The following TTI2 variants were observed in gnomAD, a reference collection of about 807,000 sequenced individuals.
TTI2 encodes TELO2-interacting protein 2.
In TTI2, 26 loss-of-function variants were observed where a neutral mutation model predicts 44.9. That is an observed-to-expected ratio of 0.58 (90% confidence interval 0.42 to 0.80). The LOEUF (loss-of-function observed/expected upper bound fraction) is 0.80, where lower values mean the gene tolerates loss of function less well. TTI2 is among the 30% of genes least tolerant of loss of function. TTI2 has a pLI of 0.00. For missense variants in TTI2, 582 were observed against 611.6 expected (o/e 0.95, Z 0.51); for synonymous variants, 254 against 250.9 (o/e 1.01, Z -0.12).
chr8:33,498,760 T>C lies in TTI2; in HGVS notation c.*413A>G. The C allele has an allele frequency of 5.0e-6, 4 of 800,478 alleles. No homozygotes were observed. The highest frequency in any genetic ancestry group is 3.8e-4 in the Middle Eastern group (1 of 2,644). The allele number at this position is 800,478 out of a possible 1,614,324, so 49.6% of individuals were successfully genotyped here. A position where few individuals can be genotyped will look rare whatever the true frequency, so the allele number is the denominator to read the frequency against. ...ACTGAACACAATATTTGTGTTTTTA[T>C]TATTTATGCCACGTCAGTGGGGCAA... On this transcript the variant is annotated 3_prime_UTR_variant, in exon 8 of 8. Transcript: ENST00000431156.
Position 33,500,051 on chromosome 8 carries a change from T to A in TTI2, c.1422+277A>T, listed in dbSNP as rs972072546. 6 of 278,580 alleles carry A rather than the reference T, an allele frequency of 2.2e-5. No individual in the cohort carries two copies. The East Asian group carries it at 3.7e-4, about 17-fold the overall frequency. 17.3% of individuals were successfully genotyped at this position (278,580 alleles called of 1,614,324 possible). A position where few individuals can be genotyped will look rare whatever the true frequency, so the allele number is the denominator to read the frequency against. On this transcript the variant is annotated intron_variant, in intron 7 of 7. Transcript: ENST00000431156. The stretch of plus-strand genomic sequence containing the variant: ...ACAGAACTTAAATTTTACAAACTTT[T>A]GATCATAATGCTTTTGCCCATACTG...
intron 3 of TTI2, among the ~76,000 whole-genome samples, chr8:33,509,462 AAAAAAAAAAAAAAAG>A (rs929299030): frequency 2.1e-5 from 3 of 143,984 alleles, no homozygotes; most frequent in African/African-American, 7.9e-5. Flanking sequence ...TCTCAAAAAA[AAAAAAAAAAAAAAAG>A]AAAGAAAGAA....
intron 3 of TTI2, among the ~76,000 whole-genome samples, chr8:33,507,668 C>T (rs775040324): frequency 6.6e-6 from 1 of 151,830 alleles, no homozygotes; most frequent in Non-Finnish European, 1.5e-5. Context: ...ATCCCCCCAC[C>T]ACCTACAACC....
chr8:33,500,365 A>C lies in TTI2; in HGVS notation c.1385T>G (p.Leu462Arg). ...TTGAGAACAGCGGTCCAGGAGAATC[A>C]GGCAGTCTGTGGCCTCCTGTAGCAG... ...SALLQEATDCLILLDRCSQGR... is the reference protein window; with the variant it reads ...SALLQEATDCRILLDRCSQGR... Residue 462 changes from leucine to arginine, a missense_variant, in exon 7 of 8, where the codon CTG becomes CGG. Leu to Arg is a moderately radical substitution (Grantham distance 102, BLOSUM62 -2). Transcript: ENST00000431156. 1 of 1,614,154 alleles carries C rather than the reference A, an allele frequency of 6.2e-7. No homozygotes were observed. The highest frequency in any genetic ancestry group is 8.5e-7 in the Non-Finnish European group (1 of 1,180,016).
At chr8:33,504,486 CAA>C (rs1491258973) in intron 4 of TTI2, among the ~76,000 whole-genome samples, 2 of 151,400 alleles carry the variant, frequency 1.3e-5, no homozygotes, top group African/African-American at 2.4e-5. Context: ...TTAGTAGAGA[CAA>C]AGTTTCACCA....
intron 6 of TTI2, chr8:33,500,698 A>G (rs1469534763): frequency 1.8e-6 from 1 of 546,124 alleles, no homozygotes; most frequent in African/African-American, 1.9e-5. Flanking sequence ...GCCTATACAC[A>G]CAGACACACC....
chr8:33,503,164 A>G (rs190325437), intron 6 of TTI2, among the ~76,000 whole-genome samples: 1 of 110,512 alleles, frequency 9.0e-6, no homozygotes, highest in Admixed American at 8.8e-5. Context: ...AAGATATACT[A>G]GAGTTTCAAA....
intron 6 of TTI2, among the ~76,000 whole-genome samples, chr8:33,502,877 C>T (rs1809143181): frequency 1.3e-5 from 2 of 151,506 alleles, no homozygotes; most frequent in Admixed American, 6.6e-5. Flanking sequence ...CGCCTGTAAC[C>T]CCAGCACTTT....
chr8:33,500,526 A>C (rs2128826724), intron 6 of TTI2, 36 bp from the exon 7 acceptor site: 2 of 1,610,858 alleles, frequency 1.2e-6, no homozygotes, highest in African/African-American at 1.3e-5. Flanking sequence ...TCATACTCTA[A>C]ATCTGGATAT....
At chr8:33,504,004 C>G in intron 4 of TTI2, 69 bp from the exon 5 acceptor site, 1 of 1,519,512 alleles carries the variant, frequency 6.6e-7, no homozygotes, top group South Asian at 1.1e-5. Context: ...ACTGACTTCT[C>G]TAGAACTTCA....
At chr8:33,502,461 T>C (rs1055687639) in intron 6 of TTI2, among the ~76,000 whole-genome samples, 12 of 152,116 alleles carry the variant, frequency 7.9e-5, no homozygotes, top group Non-Finnish European at 4.4e-5. Flanking sequence ...CACAGAATTT[T>C]TTTTTTTTTC....
chr8:33,509,824 T>G lies in TTI2; in HGVS notation c.756A>C (p.Ser252=). The G allele has an allele frequency of 6.2e-7, 1 of 1,614,118 alleles. No homozygotes were observed. Among genetic ancestry groups the G allele is most frequent in the Non-Finnish European group, 8.5e-7 (1 of 1,180,014 alleles). ...SQHLERVLPA[S]LVISDDYQTE... The stretch of plus-strand genomic sequence containing the variant: ...TCTGATAGTCATCTGAAATGACCAA[T>G]GATGCGGGAAGTACCCTTTCCAGAT... Residue 252 remains serine, a synonymous_variant, in exon 3 of 8, where the codon TCA becomes TCC. Transcript: ENST00000431156.
chr8:33,503,698 C>T lies in TTI2; in HGVS notation c.1115+50G>A, dbSNP rs775362201. The T allele has an allele frequency of 2.5e-6, 4 of 1,610,570 alleles. No individual in the cohort carries two copies. The South Asian group carries it at 3.3e-5, about 13-fold the overall frequency. On this transcript the variant is annotated intron_variant, in intron 5 of 7. Coordinates refer to ENST00000431156, the MANE Select transcript of TTI2 (RefSeq NM_001102401.4). ...CTCGAGAGCAGCTCAAGCAACATAG[C>T]AAGATCCTGTCTGTATAAAATAATA...
intron 6 of TTI2, chr8:33,500,693 TAC>T (rs1809043988): frequency 1.8e-6 from 1 of 562,858 alleles, no homozygotes; most frequent in Non-Finnish European, 3.1e-6. Flanking sequence ...ATACTGCCTA[TAC>T]ACACAGACAC....
chr8:33,509,999 A>G, intron 2 of TTI2, 67 bp from the exon 3 acceptor site: 2 of 1,021,662 alleles, frequency 2.0e-6, no homozygotes, highest in Non-Finnish European at 1.5e-6. Context: ...AAAAAAAAAA[A>G]CTACTTCAAG....
At chr8:33,509,959 AGTGACATGGTG>A in intron 2 of TTI2, 27 bp from the exon 3 acceptor site, 1 of 1,273,048 alleles carries the variant, frequency 7.9e-7, no homozygotes. Context: ...AATTACATTA[AGTGACATGGTG>A]ATAAGTAGCA....
At chr8:33,507,044 G>A (rs1056544176) in intron 4 of TTI2, among the ~76,000 whole-genome samples, 185 bp downstream of exon 4, 3 of 152,214 alleles carry the variant, frequency 2.0e-5, no homozygotes, top group Non-Finnish European at 4.4e-5. Flanking sequence ...TGTCTTATCT[G>A]TGGAGACTCA....
intron 4 of TTI2, 122 bp from the exon 5 acceptor site, chr8:33,504,057 T>C: frequency 1.0e-6 from 1 of 999,022 alleles, no homozygotes; most frequent in Middle Eastern, 3.1e-4. Flanking sequence ...AATTCTAAGA[T>C]ACTAGTAATC....
intron 2 of TTI2, among the ~76,000 whole-genome samples, chr8:33,511,105 CG>C (rs1201867456): frequency 1.3e-5 from 2 of 152,048 alleles, no homozygotes; most frequent in African/African-American, 4.8e-5. Context: ...TGCAGTGGCC[CG>C]ATCTCAGCTC....
Sources: gnomAD v4.1 joint callset for allele counts (sites outside exome capture counted in the v4.1 genomes callset) on GRCh38, gnomAD v4.1.1 for gene constraint, MANE v1.5 for transcripts, NCBI Gene and HGNC (gene_info 2026-07-23, HGNC 2026-07-21) for gene names.